FAM135B: variants seen among roughly 807,000 people sequenced by gnomAD.
FAM135B encodes protein FAM135B.
Under a neutral mutation model 127.7 loss-of-function variants are expected in FAM135B, and 43 were observed. The observed-to-expected ratio is 0.34, with a 90% CI of 0.26 to 0.43. The LOEUF (loss-of-function observed/expected upper bound fraction) is 0.43, where lower values mean the gene tolerates loss of function less well. Among genes scored for constraint, FAM135B ranks in the 20% least tolerant of loss-of-function variants. The pLI is 1.00. For synonymous variants in FAM135B, 670 were observed against 665.1 expected (o/e 1.01, Z -0.11); for missense variants, 1,558 against 1,725.6 (o/e 0.90, Z 1.72).
At chr8:138,296,786 G>A (rs1400895820) in intron 3 of FAM135B, among the ~76,000 whole-genome samples, 10 of 151,994 alleles carry the variant, frequency 6.6e-5, no homozygotes, top group Non-Finnish European at 1.5e-4. Context: ...TTACCCCCCA[G>A]GGTAACTATT....
intron 1 of FAM135B, among the ~76,000 whole-genome samples, chr8:138,371,516 A>C (rs340713): frequency 0.5 from 75,782 of 151,972 alleles, 21,151 homozygotes; most frequent in Non-Finnish European, 0.64. Flanking sequence ...GTTCAGGTGC[A>C]AGTTTCTGAG....
At chr8:138,393,557 G>A (rs920205094) in intron 1 of FAM135B, among the ~76,000 whole-genome samples, 4 of 152,164 alleles carry the variant, frequency 2.6e-5, no homozygotes, top group Admixed American at 6.5e-5. Flanking sequence ...CTTACGGGCT[G>A]GGGGAGGGGT....
chr8:138,294,717 C>T (rs375597824), intron 3 of FAM135B, among the ~76,000 whole-genome samples: 1 of 152,050 alleles, frequency 6.6e-6, no homozygotes, highest in Non-Finnish European at 1.5e-5. Context: ...TAAATAAATT[C>T]CTGACCATTC....
chr8:138,484,324 T>C (rs1814903497), intron 1 of FAM135B, among the ~76,000 whole-genome samples: 1 of 152,154 alleles, frequency 6.6e-6, no homozygotes, highest in Admixed American at 6.5e-5. Context: ...TGAGGTTTTA[T>C]TTGGGTTTCT....
chr8:138,163,876 C>T (rs919550065), intron 12 of FAM135B, among the ~76,000 whole-genome samples: 2 of 152,120 alleles, frequency 1.3e-5, no homozygotes, highest in African/African-American at 4.8e-5. Flanking sequence ...GGCTGGAGTT[C>T]AGTGACAGGA....
chr8:138,484,096 A>G (rs373490101), intron 1 of FAM135B, among the ~76,000 whole-genome samples: 2 of 152,316 alleles, frequency 1.3e-5, no homozygotes, highest in East Asian at 3.9e-4. Flanking sequence ...GGGAGGACAT[A>G]GATTTCTCTG....
intron 1 of FAM135B, among the ~76,000 whole-genome samples, chr8:138,430,004 C>A (rs528367325): frequency 6.6e-6 from 1 of 152,082 alleles, no homozygotes; most frequent in African/African-American, 2.4e-5. Flanking sequence ...TCTACTATGC[C>A]GAGTTTCTTT....
intron 1 of FAM135B, chr8:138,441,204 A>C (rs2131546241): frequency 6.6e-6 from 1 of 152,332 alleles, no homozygotes; most frequent in Non-Finnish European, 1.5e-5. Context: ...AAATAACAAG[A>C]TCTAGCCTTC....
In FAM135B at chr8:138,497,098, G is replaced by A. The variant is rs1211252183; in HGVS notation, c.-447C>T. Among the ~76,000 whole-genome samples the A allele has an allele frequency of 4.0e-5, 6 of 151,654 alleles. No individual in the cohort carries two copies. The highest frequency in any genetic ancestry group is 8.8e-5 in the Non-Finnish European group (6 of 67,874). The stretch of plus-strand genomic sequence containing the variant: ...CCGCTGGGCTGGCGCCTCCCGGGCT[G>A]CGCTCACCTCTGGCGCCCTCACTCC... On this transcript the variant is annotated 5_prime_UTR_variant, in exon 1 of 20. Coordinates refer to ENST00000395297, the MANE Select transcript of FAM135B (RefSeq NM_015912.4).
intron 1 of FAM135B, among the ~76,000 whole-genome samples, chr8:138,494,989 A>G (rs1016053521): frequency 2.2e-4 from 34 of 152,160 alleles, no homozygotes; most frequent in Non-Finnish European, 4.3e-4. Context: ...AGCCCTCTTT[A>G]TGTTGCCCTG....
intron 2 of FAM135B, among the ~76,000 whole-genome samples, chr8:138,365,441 G>C (rs1563938994): frequency 6.6e-6 from 1 of 152,064 alleles, no homozygotes; most frequent in Non-Finnish European, 1.5e-5. Context: ...ATATCTCAAG[G>C]CCCAATATCC....
intron 2 of FAM135B, among the ~76,000 whole-genome samples, chr8:138,353,205 G>A (rs977911310): frequency 2.6e-5 from 4 of 152,090 alleles, no homozygotes; most frequent in African/African-American, 4.8e-5. Flanking sequence ...ACCATATTGA[G>A]TAGTAAAACC....
intron 2 of FAM135B, among the ~76,000 whole-genome samples, chr8:138,349,614 T>C (rs573182659): frequency 6.6e-6 from 1 of 151,886 alleles, no homozygotes; most frequent in South Asian, 2.1e-4. Context: ...AAATGACATA[T>C]TTGATATGTG....
At chr8:138,420,337 T>C (rs574819563) in intron 1 of FAM135B, among the ~76,000 whole-genome samples, 6 of 151,982 alleles carry the variant, frequency 3.9e-5, no homozygotes, top group African/African-American at 1.4e-4. Flanking sequence ...AATAATGCAT[T>C]CCAAAACTGA....
intron 9 of FAM135B, among the ~76,000 whole-genome samples, chr8:138,186,710 A>C (rs1815616321): frequency 6.6e-6 from 1 of 152,234 alleles, no homozygotes; most frequent in Admixed American, 6.5e-5. Context: ...GCAGTCACTC[A>C]AAACCAAGAG....
intron 1 of FAM135B, among the ~76,000 whole-genome samples, chr8:138,405,177 G>A (rs1360271859): frequency 6.6e-6 from 1 of 151,624 alleles, no homozygotes; most frequent in African/African-American, 2.4e-5. Flanking sequence ...GGGTGAACAG[G>A]TGCATTTTCA....
At position 138,195,439 on chromosome 8, in the gene FAM135B, C is replaced by G. The variant is rs1052812982; in HGVS notation, c.824-132G>C. ...AGACAAACACATTGCTGAGGACCTT[C>G]TACCTATTCTAACTTCCTAAAGGGA... is the stretch of plus-strand genomic sequence containing the variant. On this transcript the variant is annotated intron_variant, in intron 8 of 19. Transcript: ENST00000395297. 6 of 785,920 alleles carry G rather than the reference C, an allele frequency of 7.6e-6. No individual in the cohort carries two copies. The African/African-American group carries it at 8.6e-5, about 11-fold the overall frequency. 48.7% of individuals were successfully genotyped at this position (785,920 alleles called of 1,614,324 possible). A position where few individuals can be genotyped will look rare whatever the true frequency, so the allele number is the denominator to read the frequency against.
Position 138,337,849 on chromosome 8 carries a change from C to T in FAM135B, c.78-26929G>A, listed in dbSNP as rs1054405033. 1.8e-3 allele frequency among the ~76,000 whole-genome samples: 275 copies of T among 152,272 alleles called. 1 individual carries two copies. Among genetic ancestry groups the T allele is most frequent in the Non-Finnish European group, 3.5e-3 (240 of 68,032 alleles). On this transcript the variant is annotated intron_variant, in intron 2 of 19. Transcript: ENST00000395297. ...AAGCTGGAGGCATCATGCTACCTGA[C>T]TTCAAACTATACTGCAAGGCTACAG...
intron 1 of FAM135B, chr8:138,438,302 T>A (rs1455233602): frequency 3.3e-5 from 5 of 152,144 alleles, no homozygotes; most frequent in Admixed American, 6.5e-5. Flanking sequence ...AAGAGCCATG[T>A]CTCAAGTACT....
Sources: allele counts gnomAD v4.1 joint callset (sites outside exome capture counted in the v4.1 genomes callset), GRCh38; gene constraint gnomAD v4.1.1; transcripts MANE v1.5; gene names NCBI Gene and HGNC (gene_info 2026-07-23, HGNC 2026-07-21).